The following UBQLN1 variants were observed in gnomAD, a reference collection of about 807,000 sequenced individuals.
The protein encoded by UBQLN1 is ubiquilin-1.
A neutral mutation model predicts 65.4 loss-of-function variants in UBQLN1; 13 were observed. That is an observed-to-expected ratio of 0.20 (90% CI 0.13 to 0.32). The LOEUF (loss-of-function observed/expected upper bound fraction) is 0.32. Among genes scored for constraint, UBQLN1 ranks in the 10% least tolerant of loss-of-function variants. The pLI is 1.00. For synonymous variants in UBQLN1, 267 were observed against 247.8 expected (o/e 1.08, Z -0.73); for missense variants, 561 against 724.0 (o/e 0.77, Z 2.58).
intron 1 of UBQLN1, among the ~76,000 whole-genome samples, chr9:83,688,052 A>T (rs987454880): frequency 6.6e-6 from 1 of 152,102 alleles, no homozygotes; most frequent in Non-Finnish European, 1.5e-5. Context: ...ATTTAACTAT[A>T]CTCCCATTAT....
At chr9:83,701,522 T>A (rs1023363664) in intron 1 of UBQLN1, among the ~76,000 whole-genome samples, 5 of 152,176 alleles carry the variant, frequency 3.3e-5, no homozygotes, top group Non-Finnish European at 5.9e-5. Flanking sequence ...ACTGCTCAGA[T>A]AACAAAAAGC....
At chr9:83,671,115 G>A (rs1171622135) in intron 6 of UBQLN1, among the ~76,000 whole-genome samples, 1 of 152,088 alleles carries the variant, frequency 6.6e-6, no homozygotes, top group Non-Finnish European at 1.5e-5. Context: ...AAAGGTATGA[G>A]CCAACACACC....
At chr9:83,664,923 C>CAA (rs539581441) in intron 9 of UBQLN1, 107 bp downstream of exon 9, 10,179 of 227,994 alleles carry the variant, frequency 0.045, 169 homozygotes, top group East Asian at 0.085. Flanking sequence ...TGTATCCCAC[C>CAA]AAAAAAAAAA....
At chr9:83,665,260 C>G (rs1831625979) in intron 8 of UBQLN1, 115 bp from the exon 9 acceptor site, 1 of 621,384 alleles carries the variant, frequency 1.6e-6, no homozygotes, top group Admixed American at 3.6e-5. Flanking sequence ...CTCCTGGACA[C>G]TGGTAATCCA....
At chr9:83,681,437 T>C (rs1337231697) in intron 3 of UBQLN1, among the ~76,000 whole-genome samples, 1 of 152,196 alleles carries the variant, frequency 6.6e-6, no homozygotes, top group African/African-American at 2.4e-5. Flanking sequence ...TCTATACAGA[T>C]GCTAAGTACT....
At chr9:83,695,998 C>T (rs1374392928) in intron 1 of UBQLN1, among the ~76,000 whole-genome samples, 6 of 151,746 alleles carry the variant, frequency 4.0e-5, no homozygotes, top group South Asian at 2.1e-4. Flanking sequence ...AGAGTGCAGT[C>T]GCACGATCTC....
chr9:83,671,729 T>G (rs1831735213), intron 6 of UBQLN1, among the ~76,000 whole-genome samples: 1 of 152,216 alleles, frequency 6.6e-6, no homozygotes, highest in Admixed American at 6.5e-5. Flanking sequence ...GCATAATTTT[T>G]AAGGCCCTAG....
chr9:83,698,962 C>T (rs1832266932), intron 1 of UBQLN1, among the ~76,000 whole-genome samples: 1 of 150,050 alleles, frequency 6.7e-6, no homozygotes, highest in Admixed American at 6.6e-5. Context: ...CATAAATGAA[C>T]CTTGTGGACG....
Position 83,661,956 on chromosome 9 carries a change from A to T in UBQLN1, c.1618-17T>A. 6.3e-7 allele frequency: 1 copy of T among 1,598,198 alleles called. No individual in the cohort carries two copies. The highest frequency in any genetic ancestry group is 8.5e-7 in the Non-Finnish European group (1 of 1,173,586). On this transcript the variant is annotated splice_polypyrimidine_tract_variant and intron_variant, in intron 10 of 10. Coordinates refer to ENST00000376395, the MANE Select transcript of UBQLN1 (RefSeq NM_013438.5). ...ATTCTGTAGCTATTAAAGAAAAAAA[A>T]AATTAATCCAACTCTAAAGGAAGCC... is the stretch of plus-strand genomic sequence containing the variant.
chr9:83,683,600 T>A (rs1831987678), intron 2 of UBQLN1, among the ~76,000 whole-genome samples: 1 of 152,080 alleles, frequency 6.6e-6, no homozygotes, highest in African/African-American at 2.4e-5. Context: ...CCCCTCCTCT[T>A]TGAGTATAAT....
intron 7 of UBQLN1, chr9:83,666,733 T>C (rs938670418): frequency 1.7e-5 from 4 of 241,184 alleles, no homozygotes; most frequent in Non-Finnish European, 3.2e-5. Flanking sequence ...AACGTGAATA[T>C]ATGCCATTGA....
In UBQLN1 at chr9:83,661,778, GA is replaced by G; in HGVS notation, c.*8del. 1.9e-6 allele frequency: 3 copies of G among 1,587,288 alleles called. No homozygotes were observed. In the African/African-American group the frequency reaches 4.1e-5, roughly 22 times the overall value. On this transcript the variant is annotated 3_prime_UTR_variant, in exon 11 of 11. Transcript: ENST00000376395. Reference sequence around the variant, plus strand: ...ATAAATTACATTTTTTCAAGATACAGAAATGCTGCTATGATGGCTGGGAGCC... The same window carrying G: ...ATAAATTACATTTTTTCAAGATACAGAATGCTGCTATGATGGCTGGGAGCC...
chr9:83,679,265 G>C (rs79601025), intron 4 of UBQLN1, among the ~76,000 whole-genome samples: 62 of 152,210 alleles, frequency 4.1e-4, no homozygotes, highest in African/African-American at 1.3e-3. Context: ...GTTCGTTTTT[G>C]CTTTCTTCAG....
intron 1 of UBQLN1, among the ~76,000 whole-genome samples, chr9:83,701,590 T>C (rs527443757): frequency 1.3e-5 from 2 of 151,990 alleles, no homozygotes; most frequent in South Asian, 4.2e-4. Context: ...AAAATAATAA[T>C]GAAAATAAAA....
chr9:83,689,978 A>G (rs1193123373), intron 1 of UBQLN1, among the ~76,000 whole-genome samples: 1 of 152,248 alleles, frequency 6.6e-6, no homozygotes, highest in Non-Finnish European at 1.5e-5. Context: ...TAAGACTGTT[A>G]AAGAGCGTTA....
chr9:83,674,249 G>A (rs910328597), intron 6 of UBQLN1, among the ~76,000 whole-genome samples: 1 of 151,206 alleles, frequency 6.6e-6, no homozygotes, highest in African/African-American at 2.4e-5. Context: ...AAGAAGGAGA[G>A]TTACAAATGT....
At chr9:83,669,131 T>C in intron 7 of UBQLN1, 54 bp downstream of exon 7, 3 of 1,561,506 alleles carry the variant, frequency 1.9e-6, no homozygotes, top group Non-Finnish European at 2.6e-6. Flanking sequence ...ATTACAAGAT[T>C]AGGTTATTTT....
intron 8 of UBQLN1, among the ~76,000 whole-genome samples, 153 bp downstream of exon 8, chr9:83,666,197 G>A (rs1223595334): frequency 6.6e-6 from 1 of 152,216 alleles, no homozygotes; most frequent in Admixed American, 6.5e-5. Context: ...GGGACTCAGT[G>A]AAGATCAAGC....
Position 83,674,763 on chromosome 9 carries a change from G to A in UBQLN1, c.1105+2964C>T, listed in dbSNP as rs192804412. ...GTTACTGATACTGCTCAATTGTATG[G>A]GGAGTCAATGGTAAGTCTGAAGTGA... is the stretch of plus-strand genomic sequence containing the variant. On this transcript the variant is annotated intron_variant, in intron 6 of 10. Coordinates refer to ENST00000376395, the MANE Select transcript of UBQLN1 (RefSeq NM_013438.5). Among the ~76,000 whole-genome samples the A allele has an allele frequency of 2.2e-4, 33 of 152,262 alleles. No homozygotes were observed. The East Asian group carries it at 6.2e-3, about 28-fold the overall frequency.
Sources: gnomAD v4.1 joint callset for allele counts (sites outside exome capture counted in the v4.1 genomes callset) on GRCh38, gnomAD v4.1.1 for gene constraint, MANE v1.5 for transcripts, NCBI Gene and HGNC (gene_info 2026-07-23, HGNC 2026-07-21) for gene names.